Variants in PSMA6 observed in about 807,000 individuals in gnomAD.
PSMA6 encodes proteasome 20S subunit alpha 6.
For synonymous variants in PSMA6, 88 were observed against 97.7 expected (o/e 0.90, Z 0.59); for missense variants, 170 against 294.8 (o/e 0.58, Z 3.10).
At chr14:35,313,659 C>T (rs200949164) in intron 5 of PSMA6, 6 of 152,134 alleles carry the variant, frequency 3.9e-5, no homozygotes, top group African/African-American at 1.4e-4. Context: ...TAATTAATTA[C>T]ATAAATAACC....
chr14:35,303,053 GTT>G (rs2051746951), intron 1 of PSMA6, among the ~76,000 whole-genome samples: 1 of 152,024 alleles, frequency 6.6e-6, no homozygotes, highest in Non-Finnish European at 1.5e-5. Context: ...TTTGGTTTTG[GTT>G]TTTTAGTTTG....
In PSMA6 at chr14:35,307,995, A is replaced by G. The variant is rs140882372; in HGVS notation, c.78A>G (p.Glu26=). 2,561 of 1,613,878 alleles carry G rather than the reference A, an allele frequency of 1.6e-3. 2 individuals are homozygous for G. Among genetic ancestry groups the G allele is most frequent in the Non-Finnish European group, 2.1e-3 (2,449 of 1,179,842 alleles). Residue 26 remains glutamate, a splice_region_variant and synonymous_variant, in exon 2 of 7, where the codon GAA becomes GAG. Coordinates refer to ENST00000261479, the MANE Select transcript of PSMA6 (RefSeq NM_002791.3). Reference sequence around the variant, plus strand: ...AAAAAAAACTGTTCTGTTTTCCAGAATATGCTTTTAAGGCTATTAACCAGG... The same window carrying G: ...AAAAAAAACTGTTCTGTTTTCCAGAGTATGCTTTTAAGGCTATTAACCAGG... ...FSPEGRLYQV[E]YAFKAINQGG...
rs995423145 is a variant in PSMA6, at chr14:35,292,398, A to G, written c.-79A>G. 6.5e-7 allele frequency: 1 copy of G among 1,546,680 alleles called. No individual in the cohort carries two copies. The highest frequency in any genetic ancestry group is 8.7e-7 in the Non-Finnish European group (1 of 1,147,710). On this transcript the variant is annotated 5_prime_UTR_variant, in exon 1 of 7. Transcript: ENST00000261479. ...TGGTACCCCGGAAGCAGTCGCTGCA[A>G]CTTCCGGGAGGTGCTTGTGTGCCTG...
Position 35,310,727 on chromosome 14 carries a change from T to C in PSMA6, c.254-13T>C, listed in dbSNP as rs747065635. 1 of 1,611,114 alleles carries C rather than the reference T, an allele frequency of 6.2e-7. No homozygotes were observed. The highest frequency in any genetic ancestry group is 8.5e-7 in the Non-Finnish European group (1 of 1,179,610). ...CTTCTAACCAGGTAAATCTTTGTTT[T>C]TTATGCTATAAGCTGACAGCAGATC... On this transcript the variant is annotated splice_polypyrimidine_tract_variant and intron_variant, in intron 3 of 6. Transcript: ENST00000261479.
chr14:35,315,524 T>G (rs899736212), intron 6 of PSMA6: 2 of 151,924 alleles, frequency 1.3e-5, no homozygotes, highest in Non-Finnish European at 2.9e-5. Context: ...TGCCTGTGAA[T>G]AGCCACTGCA....
intron 6 of PSMA6, 127 bp downstream of exon 6, chr14:35,314,582 T>G: frequency 1.6e-6 from 2 of 1,247,362 alleles, no homozygotes; most frequent in Non-Finnish European, 2.1e-6. Context: ...TGTGTTTGTT[T>G]TTTTCCCCAG....
upstream of PSMA6, among the ~76,000 whole-genome samples, chr14:35,289,545 C>T (rs927077709): frequency 7.2e-5 from 11 of 152,040 alleles, no homozygotes; most frequent in East Asian, 9.6e-4. Flanking sequence ...TCACCATGTT[C>T]GCCAGGGTGG....
chr14:35,279,194 T>C (rs1594370385), intron 1 of PSMA6, among the ~76,000 whole-genome samples: 1 of 152,134 alleles, frequency 6.6e-6, no homozygotes, highest in African/African-American at 2.4e-5. Context: ...ATTACAGGCA[T>C]GTGCCACTAT....
At chr14:35,303,416 C>T (rs979002577) in intron 1 of PSMA6, among the ~76,000 whole-genome samples, 2 of 152,086 alleles carry the variant, frequency 1.3e-5, no homozygotes, top group African/African-American at 4.8e-5. Context: ...CTATTGTTAC[C>T]CCAAACTGTT....
intron 1 of PSMA6, among the ~76,000 whole-genome samples, chr14:35,305,706 TGATTG>T (rs2051810406): frequency 6.6e-6 from 1 of 152,196 alleles, no homozygotes; most frequent in African/African-American, 2.4e-5. Context: ...ATGTAAATAA[TGATTG>T]GGATTATGAA....
intron 3 of PSMA6, among the ~76,000 whole-genome samples, chr14:35,309,426 G>GATTTTTTTT (rs2051895540): frequency 6.6e-6 from 1 of 152,150 alleles, no homozygotes; most frequent in South Asian, 2.1e-4. Flanking sequence ...AAGGTGAGAG[G>GATTTTTTTT]ATTGTTTAAG....
intron 3 of PSMA6, among the ~76,000 whole-genome samples, chr14:35,309,987 T>A (rs1194665954): frequency 6.6e-6 from 1 of 151,548 alleles, no homozygotes; most frequent in East Asian, 1.9e-4. Flanking sequence ...GAAAAAAAAA[T>A]TAGCTGGTAT....
At position 35,307,329 on chromosome 14, in the gene PSMA6, A is replaced by G. The variant is rs146379330; in HGVS notation, c.77-665A>G. Among the ~76,000 whole-genome samples the G allele has an allele frequency of 4.0e-3, 611 of 152,386 alleles. 1 individual carries two copies. The highest frequency in any genetic ancestry group is 0.01 in the Middle Eastern group (3 of 294). On this transcript the variant is annotated intron_variant, in intron 1 of 6. Coordinates refer to ENST00000261479, the MANE Select transcript of PSMA6 (RefSeq NM_002791.3). The stretch of plus-strand genomic sequence containing the variant: ...AGTATTAAGTCTAGAAAAAATTTAA[A>G]GCAGCTAAATTTGACCTGGGAAAAC...
intron 3 of PSMA6, chr14:35,310,112 AC>A: frequency 5.1e-6 from 2 of 388,992 alleles, no homozygotes; most frequent in Non-Finnish European, 1.0e-5. Context: ...CCAGTCCAAG[AC>A]CCCATCTCTA....
At position 35,308,086 on chromosome 14, in the gene PSMA6, C is replaced by T. The variant is rs2051865433; in HGVS notation, c.169C>T (p.Pro57Ser). ...CAVIVTQKKV[P>S]DKLLDSSTVT... ...AGTAATTGTCACACAGAAGAAAGTA[C>T]CTGTAAGTAATACTGCCCAAATAGT... The change falls in exon 2 of 7, where the codon CCT becomes TCT. Residue 57 changes from proline to serine, a missense_variant and splice_region_variant. Transcript: ENST00000261479. 1.2e-6 allele frequency: 2 copies of T among 1,613,490 alleles called. No homozygotes were observed. Among genetic ancestry groups the T allele is most frequent in the Non-Finnish European group, 8.5e-7 (1 of 1,179,658 alleles).
At chr14:35,286,997 T>A (rs904473407) in intron 1 of PSMA6, among the ~76,000 whole-genome samples, 7 of 152,168 alleles carry the variant, frequency 4.6e-5, no homozygotes, top group Admixed American at 2.0e-4. Context: ...CCACATTTGG[T>A]GCTCCATTTG....
At chr14:35,288,083 T>C (rs2051439940), upstream of PSMA6, among the ~76,000 whole-genome samples, 1 of 152,082 alleles carries the variant, frequency 6.6e-6, no homozygotes, top group Non-Finnish European at 1.5e-5. Flanking sequence ...TCTTTTTGAA[T>C]AAAGAAAAAC....
chr14:35,294,202 G>T (rs2051539014), intron 1 of PSMA6, among the ~76,000 whole-genome samples: 1 of 152,130 alleles, frequency 6.6e-6, no homozygotes. Context: ...CACCACGCCT[G>T]GCTAATTTTG....
In PSMA6 at chr14:35,308,892, CTTTG is replaced by C. The variant is rs1035305409; in HGVS notation, c.172-18_172-15del. The C allele has an allele frequency of 2.6e-6, 4 of 1,532,872 alleles. No individual in the cohort carries two copies. The highest frequency in any genetic ancestry group is 1.4e-5 in the African/African-American group (1 of 72,288). The allele number at this position is 1,532,872 out of a possible 1,614,324, so 95.0% of individuals were successfully genotyped here. Reference sequence around the variant, plus strand: ...ACCTGTATGTTTTTTAAAAAATTATCTTTGTTTATTTTGTTTATTAGGACAAATT... The same window carrying C: ...ACCTGTATGTTTTTTAAAAAATTATCTTTATTTTGTTTATTAGGACAAATT... On this transcript the variant is annotated intron_variant, in intron 2 of 6. Transcript: ENST00000261479.
Sources: allele counts gnomAD v4.1 joint callset (sites outside exome capture counted in the v4.1 genomes callset), GRCh38; gene constraint gnomAD v4.1.1; transcripts MANE v1.5; gene names NCBI Gene and HGNC (gene_info 2026-07-23, HGNC 2026-07-21).